Variants in PLA2G4F observed in about 807,000 individuals in gnomAD.
The protein encoded by PLA2G4F is cytosolic phospholipase A2 zeta.
Under a neutral mutation model 103.1 loss-of-function variants are expected in PLA2G4F, and 105 were observed. The ratio of observed to expected loss-of-function variants is 1.02; its 90% CI spans 0.87 to 1.20. PLA2G4F has a LOEUF of 1.20. Among genes scored for constraint, PLA2G4F ranks in the 50% most tolerant of loss-of-function variants. The probability of loss-of-function intolerance (pLI) is 0.00; values close to 1 mark genes in which losing one functional copy is unlikely to be tolerated. For missense variants in PLA2G4F, 1,155 were observed against 1,075.9 expected (o/e 1.07, Z -1.03); for synonymous variants, 468 against 441.1 (o/e 1.06, Z -0.76).
rs1333988459 is a variant in PLA2G4F, at chr15:42,142,125, C to T, written c.2409G>A (p.Met803Ile). ...INRPDTPYGM[M>I]NFTYEPQDFY... ...AGTCCTGGGGCTCATAGGTGAAGTT[C>T]ATCATGCCATAGGGGGTGTCTGGCC... The change falls in exon 20 of 20, where the codon ATG (methionine) becomes ATA (isoleucine). Residue 803 changes from methionine (M) to isoleucine (I), a missense_variant. Met to Ile is a conservative substitution (Grantham distance 10). This residue lies in a region of PLA2G4F where 782 missense variants were observed against 692.9 expected (regional missense o/e 1.13). Transcript: ENST00000397272. The T allele has an allele frequency of 9.3e-6, 15 of 1,614,080 alleles. No homozygotes were observed. Among genetic ancestry groups the T allele is most frequent in the Non-Finnish European group, 1.3e-5 (15 of 1,180,026 alleles).
At position 42,145,851 on chromosome 15, in the gene PLA2G4F, A is replaced by G. The variant is rs200627483; in HGVS notation, c.1587T>C (p.Tyr529=). Residue 529 remains tyrosine, a synonymous_variant, in exon 15 of 20, where the codon TAT becomes TAC. Coordinates refer to ENST00000397272, the MANE Select transcript of PLA2G4F (RefSeq NM_213600.4). ...YEVGFPKYGA[Y]VPTELFGSEL... Reference sequence around the variant, plus strand: ...CTGAGCCGAAGAGCTCGGTGGGAACATAAGCCCCGTACTTGGGGAAGCCAA... The same window carrying G: ...CTGAGCCGAAGAGCTCGGTGGGAACGTAAGCCCCGTACTTGGGGAAGCCAA... 12 of 1,613,978 alleles carry G rather than the reference A, an allele frequency of 7.4e-6. No homozygotes were observed. Among genetic ancestry groups the G allele is most frequent in the Non-Finnish European group, 8.5e-6 (10 of 1,180,028 alleles).
In PLA2G4F at chr15:42,150,663, G is replaced by T. The variant is rs1299433445; in HGVS notation, c.716C>A (p.Pro239Gln). The part of the protein sequence containing the change: ...LPPTFTFHVN[P>Q]VLSSRLHVEL... ...CACGTGTAGCCTGGAGCTCAGCACT[G>T]GGTTCACGTGGAAGGTAAAGGTGGG... The change falls in exon 8 of 20, where the codon CCA becomes CAA. Residue 239 changes from proline (P) to glutamine (Q), a missense_variant. By Grantham distance (76) the Pro-to-Gln change is moderately conservative (BLOSUM62 -1). Transcript: ENST00000397272. The T allele has an allele frequency of 1.2e-6, 2 of 1,613,716 alleles. No homozygotes were observed. The highest frequency in any genetic ancestry group is 1.7e-6 in the Non-Finnish European group (2 of 1,179,950).
At chr15:42,142,894 C>T (rs1241813190) in intron 18 of PLA2G4F, among the ~76,000 whole-genome samples, 180 bp from the exon 19 acceptor site, 8 of 152,002 alleles carry the variant, frequency 5.3e-5, no homozygotes, top group Admixed American at 5.2e-4. Context: ...AATTTTTAAA[C>T]TTCCGGCCGG....
intron 2 of PLA2G4F, 65 bp from the exon 3 acceptor site, chr15:42,154,523 A>G: frequency 6.8e-7 from 1 of 1,471,964 alleles, no homozygotes; most frequent in Non-Finnish European, 9.0e-7. Context: ...TTCCTTGGGG[A>G]GGCTAGGGCA....
chr15:42,145,666 G>T lies in PLA2G4F; in HGVS notation c.1689C>A (p.Ala563=). 6.2e-7 allele frequency: 1 copy of T among 1,614,130 alleles called. No individual in the cohort carries two copies. Among genetic ancestry groups the T allele is most frequent in the South Asian group, 1.1e-5 (1 of 91,082 alleles). ...AGATCTCATCCAGGCTGGTGGCAAA[G>T]GCGCTGCCCCACATACCTAAGGAGA... The part of the protein sequence containing the change: ...ICYLQGMWGS[A]FATSLDEIFL... Residue 563 remains alanine (A), a synonymous_variant, in exon 16 of 20, where the codon GCC becomes GCA. Transcript: ENST00000397272.
chr15:42,144,586 G>T lies in PLA2G4F; in HGVS notation c.1839C>A (p.Thr613=), dbSNP rs2048860876. ...CAGCCTGGGAGAAGGGCCCCTGTGG[G>T]GTGAGGAGCCTCGTTCGCAGCCTCG... The part of the protein sequence containing the change: ...NPSRLRTRLL[T]PQGPFSQAVL... The change falls in exon 17 of 20, where the codon ACC becomes ACA. Residue 613 remains threonine, a synonymous_variant. Transcript: ENST00000397272. 1 of 1,612,836 alleles carries T rather than the reference G, an allele frequency of 6.2e-7. No individual in the cohort carries two copies. The highest frequency in any genetic ancestry group is 8.5e-7 in the Non-Finnish European group (1 of 1,179,530).
chr15:42,152,159 T>G (rs902328672), intron 7 of PLA2G4F, among the ~76,000 whole-genome samples: 1 of 152,146 alleles, frequency 6.6e-6, no homozygotes, highest in Non-Finnish European at 1.5e-5. Flanking sequence ...TGACTTCAGC[T>G]CCTCCCGCTA....
chr15:42,153,196 G>T, intron 6 of PLA2G4F, 104 bp downstream of exon 6: 1 of 1,326,084 alleles, frequency 7.5e-7, no homozygotes. Context: ...CCTCCGAGGA[G>T]GGCTTGGGTG....
chr15:42,143,740 T>C (rs1310508040), intron 18 of PLA2G4F, among the ~76,000 whole-genome samples: 4 of 152,172 alleles, frequency 2.6e-5, no homozygotes. Flanking sequence ...TTTGGCCTCC[T>C]CTTCCCACGC....
At position 42,156,453 on chromosome 15, in the gene PLA2G4F, A is replaced by T; in HGVS notation, c.97T>A (p.Trp33Arg). 6.4e-7 allele frequency: 1 copy of T among 1,562,354 alleles called. No homozygotes were observed. The highest frequency in any genetic ancestry group is 8.7e-7 in the Non-Finnish European group (1 of 1,152,298). Residue 33 changes from tryptophan to arginine, a missense_variant, in exon 1 of 20, where the codon TGG (tryptophan) becomes AGG (arginine). Coordinates refer to ENST00000397272, the MANE Select transcript of PLA2G4F (RefSeq NM_213600.4). Reference protein sequence around the residue: ...LQKREKRGPLWRHWRRETYPY... With the variant: ...LQKREKRGPLRRHWRRETYPY... The stretch of plus-strand genomic sequence containing the variant: ...AGGTACGTTACCCGCCAGTGCCTCC[A>T]CAGAGGGCCCCTCTTCTCTCTCTTC...
At chr15:42,151,325 G>A (rs1335876362) in intron 7 of PLA2G4F, 12 of 985,166 alleles carry the variant, frequency 1.2e-5, no homozygotes, top group Admixed American at 6.2e-5. Flanking sequence ...CTGGAGAAGC[G>A]GCGGAGGGCT....
At position 42,153,756 on chromosome 15, in the gene PLA2G4F, AAG is replaced by A; in HGVS notation, c.451-98_451-97del. ...AGCCCTGCTTGGCTCCAGGGGCTAG[AAG>A]GGGAGACTGGCATTGTGGCTTGTCA... is the stretch of plus-strand genomic sequence containing the variant. On this transcript the variant is annotated intron_variant, in intron 4 of 19. Coordinates refer to ENST00000397272, the MANE Select transcript of PLA2G4F (RefSeq NM_213600.4). The A allele has an allele frequency of 2.9e-6, 4 of 1,362,352 alleles. No individual in the cohort carries two copies. The East Asian group carries it at 6.9e-5, about 23-fold the overall frequency. 84.4% of individuals were successfully genotyped at this position (1,362,352 alleles called of 1,614,324 possible). A position where few individuals can be genotyped will look rare whatever the true frequency, so the allele number is the denominator to read the frequency against.
chr15:42,143,949 G>C (rs8029635), intron 18 of PLA2G4F, 29 bp downstream of exon 18: 10 of 1,572,610 alleles, frequency 6.4e-6, no homozygotes, highest in Non-Finnish European at 8.7e-6. Flanking sequence ...CACTGCAGGT[G>C]CTCCCCACAT....
intron 11 of PLA2G4F, chr15:42,148,540 C>T: frequency 3.3e-6 from 3 of 898,620 alleles, no homozygotes; most frequent in Non-Finnish European, 4.0e-6. Context: ...CTTTCCCCAG[C>T]AGCAACAATG....
chr15:42,150,562 G>C, intron 8 of PLA2G4F, 46 bp downstream of exon 8: 1 of 1,596,804 alleles, frequency 6.3e-7, no homozygotes, highest in Non-Finnish European at 8.5e-7. Context: ...TGGAACGCCA[G>C]TCTGGGCTGA....
At chr15:42,142,432 C>G in intron 19 of PLA2G4F, 96 bp downstream of exon 19, 1 of 1,416,464 alleles carries the variant, frequency 7.1e-7, no homozygotes, top group Non-Finnish European at 9.6e-7. Flanking sequence ...AGGAGGCGTG[C>G]TTAGTGACAT....
At chr15:42,154,922 C>T (rs2048998132) in intron 2 of PLA2G4F, among the ~76,000 whole-genome samples, 2 of 152,228 alleles carry the variant, frequency 1.3e-5, no homozygotes, top group East Asian at 3.9e-4. Context: ...AGCACCAGTC[C>T]CTCCACCTAC....
At chr15:42,146,679 G>A (rs755900478) in intron 13 of PLA2G4F, 36 of 216,482 alleles carry the variant, frequency 1.7e-4, no homozygotes, top group Admixed American at 3.6e-4. Flanking sequence ...GAATCTTATC[G>A]CCTGGAACTG....
chr15:42,153,321 G>T lies in PLA2G4F; in HGVS notation c.513C>A (p.Val171=). 1 of 1,614,142 alleles carries T rather than the reference G, an allele frequency of 6.2e-7. No homozygotes were observed. Among genetic ancestry groups the T allele is most frequent in the South Asian group, 1.1e-5 (1 of 91,034 alleles). The part of the protein sequence containing the change: ...LEKSQVPASE[V]ITNGVLVAHP... ...TCACCACCAGAACCCCGTTGGTGAT[G>T]ACTTCAGATGCAGGCACCTGGCTGC... The change falls in exon 6 of 20, where the codon GTC becomes GTA. Residue 171 remains valine, a synonymous_variant. Transcript: ENST00000397272.
Sources: allele counts gnomAD v4.1 joint callset (sites outside exome capture counted in the v4.1 genomes callset), GRCh38; gene constraint gnomAD v4.1.1; regional missense constraint gnomAD v4.1.1; transcripts MANE v1.5; gene names NCBI Gene and HGNC (gene_info 2026-07-23, HGNC 2026-07-21).